Variants in KLF8 observed in about 807,000 individuals in gnomAD.
KLF8 encodes Krueppel-like factor 8.
A neutral mutation model predicts 18.2 loss-of-function variants in KLF8; 10 were observed. The ratio of observed to expected loss-of-function variants is 0.55; its 90% confidence interval spans 0.34 to 0.93. KLF8 has a LOEUF of 0.93. Among genes scored for constraint, KLF8 ranks in the 40% least tolerant of loss-of-function variants. The pLI is 0.02. For synonymous variants in KLF8, 109 were observed against 97.3 expected, an observed-to-expected ratio of 1.12 and a Z score of -0.71; for missense variants, 264 against 277.9, an observed-to-expected ratio of 0.95 and a Z score of 0.36.
At chrX:55,939,593 T>G in the KLF8 span, among the ~76,000 whole-genome samples, 2 of 111,328 alleles carry the variant, frequency 1.8e-5, no homozygotes, top group Non-Finnish European at 3.8e-5. Flanking sequence ...AGGAGGTGGT[T>G]TTTTGGAAAG....
the KLF8 span, among the ~76,000 whole-genome samples, chrX:56,014,301 T>G: frequency 9.0e-6 from 1 of 111,656 alleles, no homozygotes; most frequent in African/African-American, 3.2e-5. Context: ...ACAACCCTGT[T>G]AAAAAGTGGG....
chrX:55,924,849 CT>C, the KLF8 span, among the ~76,000 whole-genome samples: 139 of 42,926 alleles, frequency 3.2e-3, no homozygotes, highest in African/African-American at 9.7e-3. Flanking sequence ...TTGTTTTTTG[CT>C]TTTTTTTTTT....
At chrX:56,134,999 A>G in the KLF8 span, among the ~76,000 whole-genome samples, 1 of 111,197 alleles carries the variant, frequency 9.0e-6, no homozygotes, top group Non-Finnish European at 1.9e-5. Flanking sequence ...AAAAATAAAA[A>G]TCAATACCAC....
chrX:55,976,124 AC>A, the KLF8 span, among the ~76,000 whole-genome samples: 1 of 112,139 alleles, frequency 8.9e-6, no homozygotes, highest in Non-Finnish European at 1.9e-5. Flanking sequence ...AAACAAAAAA[AC>A]ATGTATTCAT....
the KLF8 span, among the ~76,000 whole-genome samples, chrX:55,933,371 C>T: frequency 8.9e-5 from 10 of 111,798 alleles, no homozygotes; most frequent in Non-Finnish European, 1.5e-4. Context: ...GATCTACTTA[C>T]GTAAGTGGTA....
At chrX:55,919,474 G>A in the KLF8 span, among the ~76,000 whole-genome samples, 1 of 111,740 alleles carries the variant, frequency 8.9e-6, no homozygotes, top group Non-Finnish European at 1.9e-5. Flanking sequence ...GGTCTGGGGC[G>A]AGTTCTCAGC....
At chrX:56,234,986 C>A (rs940718843) in intron 1 of KLF8, among the ~76,000 whole-genome samples, 3 of 111,679 alleles carry the variant, frequency 2.7e-5, no homozygotes, top group East Asian at 2.8e-4. Context: ...CTTCAGAGCC[C>A]TCAGGAGCTA....
the KLF8 span, among the ~76,000 whole-genome samples, chrX:56,052,244 C>T: frequency 6.3e-5 from 7 of 111,660 alleles, no homozygotes; most frequent in Admixed American, 2.8e-4. Context: ...GTAATTTGAT[C>T]GTCTGAAGCC....
At chrX:56,247,620 G>A (rs2066640702) in intron 1 of KLF8, among the ~76,000 whole-genome samples, 2 of 108,897 alleles carry the variant, frequency 1.8e-5, no homozygotes, top group East Asian at 2.9e-4. Flanking sequence ...CTTTTTACAA[G>A]TTTTTGTTAA....
intron 2 of KLF8, among the ~76,000 whole-genome samples, chrX:56,252,949 C>A (rs2066733830): frequency 1.8e-5 from 2 of 112,407 alleles, no homozygotes; most frequent in Non-Finnish European, 3.8e-5. Flanking sequence ...ATTTACATTT[C>A]TCTGATGATC....
the KLF8 span, among the ~76,000 whole-genome samples, chrX:56,176,243 G>A: frequency 2.7e-5 from 3 of 111,834 alleles, no homozygotes; most frequent in African/African-American, 3.3e-5. Context: ...GCTGGTACCG[G>A]TTGTTCCTTT....
the KLF8 span, among the ~76,000 whole-genome samples, chrX:56,067,389 G>C: frequency 9.1e-6 from 1 of 109,826 alleles, no homozygotes; most frequent in African/African-American, 3.3e-5. Context: ...GAATGGTTTT[G>C]GAAGCTTTTA....
the KLF8 span, among the ~76,000 whole-genome samples, chrX:56,097,513 T>TTTATTA: frequency 8.5e-5 from 9 of 106,210 alleles, no homozygotes; most frequent in East Asian, 5.9e-4. Context: ...CAATCACTCT[T>TTTATTA]TTATTATTAT....
At chrX:56,035,509 G>T in the KLF8 span, among the ~76,000 whole-genome samples, 2 of 111,847 alleles carry the variant, frequency 1.8e-5, no homozygotes, top group South Asian at 7.5e-4. Context: ...GGATCATATA[G>T]TAGTTCTACT....
chrX:56,138,329 ATT>A, the KLF8 span, among the ~76,000 whole-genome samples: 5 of 111,552 alleles, frequency 4.5e-5, no homozygotes, highest in African/African-American at 1.6e-4. Context: ...GGCCAGCATC[ATT>A]CTGATACCAA....
intron 3 of KLF8, chrX:56,266,722 C>A: frequency 4.0e-6 from 3 of 753,609 alleles, no homozygotes; most frequent in Non-Finnish European, 4.7e-6. Context: ...CTAAAGCAGG[C>A]TGATAATGTT....
chrX:56,198,098 AAG>A, the KLF8 span, among the ~76,000 whole-genome samples: 1 of 112,121 alleles, frequency 8.9e-6, no homozygotes, highest in African/African-American at 3.2e-5. Context: ...TCAGAATAAT[AAG>A]AGATATTTAG....
At chrX:56,275,154 C>T (rs1002366205) in intron 5 of KLF8, among the ~76,000 whole-genome samples, 14 of 110,950 alleles carry the variant, frequency 1.3e-4, no homozygotes, top group South Asian at 3.7e-4. Flanking sequence ...TCTTTCCTTT[C>T]GTTTCTGTCT....
chrX:56,198,153 G>C, the KLF8 span, among the ~76,000 whole-genome samples: 1 of 111,965 alleles, frequency 8.9e-6, no homozygotes, highest in Non-Finnish European at 1.9e-5. Context: ...ACAAAAACTG[G>C]AAGCATTCCC....
Sources: gnomAD v4.1 joint callset for allele counts (sites outside exome capture counted in the v4.1 genomes callset) on GRCh38, gnomAD v4.1.1 for gene constraint, MANE v1.5 for transcripts, NCBI Gene and HGNC (gene_info 2026-07-23, HGNC 2026-07-21) for gene names.